Variants in FBN1 observed in about 807,000 individuals in gnomAD.
FBN1 encodes fibrillin 1.
In FBN1, 29 loss-of-function variants were observed where a neutral mutation model predicts 365.1. The ratio of observed to expected loss-of-function variants is 0.08; its 90% CI spans 0.06 to 0.11. FBN1 has a LOEUF of 0.11. Ranked by LOEUF, FBN1 falls within the 10% of genes least tolerant of loss-of-function variation. FBN1 has a pLI of 1.00. For missense variants in FBN1, 2,476 were observed against 3,703.2 expected (o/e 0.67, Z 8.60); for synonymous variants, 1,210 against 1,270.5 (o/e 0.95, Z 1.01).
In FBN1 at chr15:48,437,773, G is replaced by A; in HGVS notation, c.6308C>T (p.Pro2103Leu). 6.2e-7 allele frequency: 1 copy of A among 1,613,712 alleles called. No homozygotes were observed. Among genetic ancestry groups the A allele is most frequent in the Non-Finnish European group, 8.5e-7 (1 of 1,179,812 alleles). ...AATGCAGATGACAGACATACCATCA[G>A]GTTCCGTGGGGCAGAGCTCGCAGGG... Reference protein sequence around the residue: ...GDPCELCPTEPDEAFRQICPY... With the variant: ...GDPCELCPTELDEAFRQICPY... The change falls in exon 51 of 66, where the codon CCT becomes CTT. Residue 2103 changes from proline (P) to leucine (L), a missense_variant. Around this residue, in one of 5 missense-constraint regions of FBN1, gnomAD observed 1,780 missense variants for 2,840.8 expected, o/e 0.63. Transcript: ENST00000316623.
chr15:48,472,319 G>A (rs1449440887), intron 35 of FBN1, among the ~76,000 whole-genome samples: 4 of 152,146 alleles, frequency 2.6e-5, no homozygotes, highest in Non-Finnish European at 5.9e-5. Context: ...TGCAGACCAT[G>A]CGGCCAAGGC....
intron 6 of FBN1, among the ~76,000 whole-genome samples, chr15:48,565,434 G>T (rs766401842): frequency 6.6e-6 from 1 of 151,970 alleles, no homozygotes; most frequent in Non-Finnish European, 1.5e-5. Flanking sequence ...ATTTTCATCT[G>T]TGTTTTTCCT....
chr15:48,644,434 G>A, intron 2 of FBN1, 172 bp downstream of exon 2: 1 of 832,910 alleles, frequency 1.2e-6, no homozygotes, highest in Non-Finnish European at 1.9e-6. Flanking sequence ...CTGGGAGTAG[G>A]GGCAAGGTAG....
intron 14 of FBN1, among the ~76,000 whole-genome samples, 168 bp downstream of exon 14, chr15:48,509,876 T>C (rs1259885756): frequency 6.6e-6 from 1 of 152,208 alleles, no homozygotes; most frequent in Admixed American, 6.5e-5. Context: ...TTCACACAAA[T>C]GTAAATTAAG....
At chr15:48,500,718 A>G (rs918919988) in intron 17 of FBN1, among the ~76,000 whole-genome samples, 37 of 152,180 alleles carry the variant, frequency 2.4e-4, no homozygotes, top group African/African-American at 8.9e-4. Context: ...TTAACTGACC[A>G]ATTACACTCC....
chr15:48,483,876 C>T lies in FBN1; in HGVS notation c.3780G>A (p.Glu1260=), dbSNP rs1435501312. The T allele has an allele frequency of 5.6e-6, 9 of 1,613,700 alleles. No individual in the cohort carries two copies. The highest frequency in any genetic ancestry group is 6.8e-6 in the Non-Finnish European group (8 of 1,179,918). The change falls in exon 31 of 66, where the codon GAG becomes GAA. Residue 1260 remains glutamate (E), a synonymous_variant. Coordinates refer to ENST00000316623, the MANE Select transcript of FBN1 (RefSeq NM_000138.5). ...DGGQCTNIPG[E]YRCLCYDGFM... Reference sequence around the variant, plus strand: ...ATCCATCATAACACAAGCACCTGTACTCTCCAGGGATATTTGTGCACTGAC... The same window carrying T: ...ATCCATCATAACACAAGCACCTGTATTCTCCAGGGATATTTGTGCACTGAC...
At chr15:48,428,574 C>T in intron 56 of FBN1, 103 bp from the exon 57 acceptor site, 1 of 1,315,028 alleles carries the variant, frequency 7.6e-7, no homozygotes, top group Non-Finnish European at 1.1e-6. Flanking sequence ...CTCCCTCCTT[C>T]CCTCCCTTTG....
At chr15:48,477,610 G>C (rs1300626777) in intron 32 of FBN1, among the ~76,000 whole-genome samples, 2 of 152,112 alleles carry the variant, frequency 1.3e-5, no homozygotes, top group African/African-American at 4.8e-5. Flanking sequence ...CAAACAGAAG[G>C]GGAAAGTGAG....
At chr15:48,461,558 CATACATAGATATAT>C (rs146472887) in intron 42 of FBN1, among the ~76,000 whole-genome samples, 3,169 of 152,154 alleles carry the variant, frequency 0.021, 107 homozygotes, top group African/African-American at 0.068. Context: ...TACATATACA[CATACATAGATATAT>C]ATACATAGAC....
Position 48,496,201 on chromosome 15 carries a change from C to A in FBN1, c.2318G>T (p.Ser773Ile), listed in dbSNP as rs1193928660. 4 of 1,613,750 alleles carry A rather than the reference C, an allele frequency of 2.5e-6. No homozygotes were observed. Among genetic ancestry groups the A allele is most frequent in the Non-Finnish European group, 3.4e-6 (4 of 1,179,770 alleles). The change falls in exon 20 of 66, where the codon AGT becomes ATT. Residue 773 changes from serine to isoleucine, a missense_variant. Ser to Ile is a moderately radical substitution (Grantham distance 142). Transcript: ENST00000316623. ...ACATTGTCCATTGTCACAAAGGAGA[C>A]TGTTCAGTACACATTCATTAATATC... ...CVDINECVLN[S>I]LLCDNGQCRN... is the part of the protein sequence containing the mutation.
Position 48,505,107 on chromosome 15 carries a change from C to A in FBN1, c.1878G>T (p.Gly626=). 2 of 1,614,160 alleles carry A rather than the reference C, an allele frequency of 1.2e-6. No individual in the cohort carries two copies. The highest frequency in any genetic ancestry group is 1.7e-6 in the Non-Finnish European group (2 of 1,180,010). Residue 626 remains glycine, a synonymous_variant, in exon 16 of 66, where the codon GGG becomes GGT. Coordinates refer to ENST00000316623, the MANE Select transcript of FBN1 (RefSeq NM_000138.5). Reference sequence around the variant, plus strand: ...AGGAGCCATCAGTGTTGACGCAACGCCCATTCATGCAGATCCCAGGGGTTT... The same window carrying A: ...AGGAGCCATCAGTGTTGACGCAACGACCATTCATGCAGATCCCAGGGGTTT... ...ECETPGICMN[G]RCVNTDGSYR...
intron 17 of FBN1, among the ~76,000 whole-genome samples, chr15:48,499,421 T>C (rs369793444): frequency 1.1e-4 from 17 of 152,370 alleles, no homozygotes; most frequent in African/African-American, 4.1e-4. Flanking sequence ...GATAATTTTG[T>C]TTCTCAGTGC....
intron 25 of FBN1, 49 bp downstream of exon 25, chr15:48,489,802 A>G (rs2043540326): frequency 7.0e-7 from 1 of 1,434,822 alleles, no homozygotes; most frequent in Admixed American, 1.7e-5. Flanking sequence ...AATGCATCCT[A>G]TTTGTCTAAA....
At chr15:48,495,693 A>G in intron 20 of FBN1, 105 bp from the exon 21 acceptor site, 1 of 1,434,568 alleles carries the variant, frequency 7.0e-7, no homozygotes, top group East Asian at 2.3e-5. Flanking sequence ...AATCCCACAC[A>G]GTAAAGCTGG....
intron 10 of FBN1, among the ~76,000 whole-genome samples, chr15:48,517,789 T>C (rs1003157811): frequency 7.9e-5 from 12 of 152,220 alleles, no homozygotes; most frequent in African/African-American, 2.2e-4. Context: ...AGTTGTACAG[T>C]GATTTTCTCA....
At chr15:48,461,930 C>T (rs116632395) in intron 42 of FBN1, among the ~76,000 whole-genome samples, 3,474 of 152,206 alleles carry the variant, frequency 0.023, 66 homozygotes, top group East Asian at 0.083. Flanking sequence ...TCTTAGCTTG[C>T]AGGCCATTCA....
At chr15:48,522,095 T>C (rs1013391422) in intron 9 of FBN1, among the ~76,000 whole-genome samples, 5 of 152,192 alleles carry the variant, frequency 3.3e-5, no homozygotes, top group Non-Finnish European at 5.9e-5. Flanking sequence ...GGTTCTAGGT[T>C]GTGTGTTCCC....
chr15:48,477,813 A>G (rs1379636219), intron 32 of FBN1, among the ~76,000 whole-genome samples: 1 of 152,224 alleles, frequency 6.6e-6, no homozygotes, highest in East Asian at 1.9e-4. Flanking sequence ...AAGAAATTCA[A>G]ACTTAAAGTG....
Position 48,420,803 on chromosome 15 carries a change from A to G in FBN1, c.7703T>C (p.Val2568Ala). The G allele has an allele frequency of 6.2e-7, 1 of 1,613,892 alleles. No individual in the cohort carries two copies. Among genetic ancestry groups the G allele is most frequent in the East Asian group, 2.2e-5 (1 of 44,878 alleles). ...GCGGTGGTTACCCTCACACTCGTCC[A>G]CGTCTGAAAAAGAAGCAGAGCCACC... ...LDQTGSSCED[V>A]DECEGNHRCQ... The change falls in exon 63 of 66, where the codon GTG becomes GCG. Residue 2568 changes from valine (V) to alanine (A), a missense_variant. Physicochemically the swap from Val to Ala is moderately conservative, Grantham distance 64. Around this residue, in one of 5 missense-constraint regions of FBN1, gnomAD observed 1,780 missense variants for 2,840.8 expected, o/e 0.63. Coordinates refer to ENST00000316623, the MANE Select transcript of FBN1 (RefSeq NM_000138.5).
Sources: gnomAD v4.1 joint callset for allele counts (sites outside exome capture counted in the v4.1 genomes callset) on GRCh38, gnomAD v4.1.1 for gene constraint, gnomAD v4.1.1 regional missense constraint, MANE v1.5 for transcripts, NCBI Gene and HGNC (gene_info 2026-07-23, HGNC 2026-07-21) for gene names.